TNS3: variants seen among roughly 807,000 people sequenced by gnomAD.
TNS3 encodes tensin 3.
A neutral mutation model predicts 140.9 loss-of-function variants in TNS3; 45 were observed. That is an observed-to-expected ratio of 0.32 (90% CI 0.25 to 0.41). TNS3 has a LOEUF of 0.41. Ranked by LOEUF, TNS3 falls within the 10% of genes least tolerant of loss-of-function variation. The probability of loss-of-function intolerance (pLI) is 1.00; values close to 1 mark genes in which losing one functional copy is unlikely to be tolerated. For missense variants in TNS3, 1,716 were observed against 1,906.7 expected (o/e 0.90, Z 1.86); for synonymous variants, 815 against 788.4 (o/e 1.03, Z -0.56).
intron 16 of TNS3, among the ~76,000 whole-genome samples, chr7:47,390,742 G>A (rs1436857115): frequency 6.6e-6 from 1 of 152,162 alleles, no homozygotes; most frequent in Non-Finnish European, 1.5e-5. Context: ...CTTCCCTGCT[G>A]CTCAACCCTT....
rs747272053 is a variant in TNS3, at chr7:47,428,345, G to A, written c.356C>T (p.Ser119Leu). The change falls in exon 9 of 31, where the codon TCA becomes TTA. Residue 119 changes from serine to leucine, a missense_variant. This residue lies in a region of TNS3 where 337 missense variants were observed against 428.9 expected (regional missense o/e 0.79). Transcript: ENST00000311160. ...GACGTTGGTGAAATGCATGTAGGAT[G>A]ATATGACCACTCCTATGCGTCCTTT... The part of the protein sequence containing the change: ...GGKGRIGVVI[S>L]SYMHFTNVSA... 1.5e-5 allele frequency: 22 copies of A among 1,454,178 alleles called. No individual in the cohort carries two copies. Among genetic ancestry groups the A allele is most frequent in the Non-Finnish European group, 1.9e-5 (21 of 1,099,230 alleles). 90.1% of individuals were successfully genotyped at this position (1,454,178 alleles called of 1,614,324 possible).
Position 47,368,456 on chromosome 7 carries a change from A to G in TNS3, c.2190T>C (p.Ser730=). The change falls in exon 17 of 31, where the codon TCT becomes TCC. Residue 730 remains serine, a synonymous_variant. Coordinates refer to ENST00000311160, the MANE Select transcript of TNS3 (RefSeq NM_022748.12). ...CACCTCCCACGCTGTCTGGAGACAC[A>G]GAGCCATTGGCCTGGCTACCGAGGG... The part of the protein sequence containing the change: ...MNALGSQANG[S]VSPDSVGGGL... 1.3e-6 allele frequency: 2 copies of G among 1,580,394 alleles called. No homozygotes were observed. The highest frequency in any genetic ancestry group is 1.7e-6 in the Non-Finnish European group (2 of 1,157,376).
intron 1 of TNS3, among the ~76,000 whole-genome samples, chr7:47,576,559 A>T (rs1246789688): frequency 6.6e-6 from 1 of 152,154 alleles, no homozygotes; most frequent in African/African-American, 2.4e-5. Flanking sequence ...CCTCTAAGAA[A>T]GGTGATGGAT....
intron 4 of TNS3, among the ~76,000 whole-genome samples, chr7:47,454,620 C>G (rs1048073833): frequency 6.6e-6 from 1 of 151,958 alleles, no homozygotes; most frequent in African/African-American, 2.4e-5. Flanking sequence ...GGGGGGGCAA[C>G]AGCTGGGCAG....
chr7:47,411,705 T>C, intron 13 of TNS3, 22 bp downstream of exon 13: 1 of 1,602,780 alleles, frequency 6.2e-7, no homozygotes, highest in South Asian at 1.1e-5. Context: ...CCAACCCATC[T>C]GCGGCCACAG....
Position 47,452,983 on chromosome 7 carries a change from GA to G in TNS3, c.-75-10929del, listed in dbSNP as rs1229351421. On this transcript the variant is annotated intron_variant, in intron 4 of 30. Coordinates refer to ENST00000311160, the MANE Select transcript of TNS3 (RefSeq NM_022748.12). The stretch of plus-strand genomic sequence containing the variant: ...CGGCCAGGGCTGCTTTTCCCTTCCA[GA>G]AACAGCTCCTCCTACGTTTCGCTCC... The G allele has an allele frequency of 4.1e-6, 4 of 985,404 alleles. No homozygotes were observed. In the Admixed American group the frequency reaches 2.5e-4, roughly 61 times the overall value. 61.0% of individuals were successfully genotyped at this position (985,404 alleles called of 1,614,324 possible). A position where few individuals can be genotyped will look rare whatever the true frequency, so the allele number is the denominator to read the frequency against.
chr7:47,482,180 G>A (rs1024072994), intron 3 of TNS3, among the ~76,000 whole-genome samples: 2 of 152,228 alleles, frequency 1.3e-5, no homozygotes, highest in African/African-American at 2.4e-5. Context: ...CTGAAAATGT[G>A]CAACCGAAGG....
chr7:47,282,220 C>T (rs1328131348), intron 28 of TNS3, among the ~76,000 whole-genome samples: 3 of 148,810 alleles, frequency 2.0e-5, no homozygotes, highest in African/African-American at 7.5e-5. Context: ...TGACACTGAC[C>T]CTGAGTCCAC....
rs369556954 is a variant in TNS3, at chr7:47,545,174, G to A, written c.-264-16027C>T. On this transcript the variant is annotated intron_variant, in intron 1 of 30. Transcript: ENST00000311160. ...TTTTTTTTTTTTGAGACGGAGTCTC[G>A]CTCTGTCGCCTGGAGTGCAGTGTGG... is the stretch of plus-strand genomic sequence containing the variant. Among the ~76,000 whole-genome samples, 17 of 129,088 alleles carry A rather than the reference G, an allele frequency of 1.3e-4. No homozygotes were observed. The East Asian group carries it at 1.3e-3, about 10-fold the overall frequency. The allele number at this position is 129,088 out of a possible 152,430, so 84.7% of individuals were successfully genotyped here. A position where few individuals can be genotyped will look rare whatever the true frequency, so the allele number is the denominator to read the frequency against.
intron 20 of TNS3, among the ~76,000 whole-genome samples, chr7:47,339,956 C>CATATATATATAT (rs35991026): frequency 2.9e-5 from 4 of 136,500 alleles, no homozygotes; most frequent in Admixed American, 7.5e-5. Context: ...TTATAAGTGG[C>CATATATATATAT]ATATATATAT....
rs1799847673 is a variant in TNS3 at position 47,543,554 on chromosome 7, G to A, written c.-264-14407C>T. Among the ~76,000 whole-genome samples the A allele has an allele frequency of 2.0e-5, 3 of 152,260 alleles. No individual in the cohort carries two copies. The South Asian group carries it at 6.2e-4, about 32-fold the overall frequency. Reference sequence around the variant, plus strand: ...GTATTAATGATCAAAGATGCCATTTGTGAAGTGCCTGACCCTCAAGATGGT... The same window carrying A: ...GTATTAATGATCAAAGATGCCATTTATGAAGTGCCTGACCCTCAAGATGGT... On this transcript the variant is annotated intron_variant, in intron 1 of 30. Transcript: ENST00000311160.
chr7:47,424,020 G>A lies in TNS3; in HGVS notation c.473+81C>T, dbSNP rs897867538. ...TATTCATTTAGGTGTCGGGACAGAG[G>A]AGATGCCTCTTCTGTTTTCACATTT... is the stretch of plus-strand genomic sequence containing the variant. On this transcript the variant is annotated intron_variant, in intron 10 of 30. Coordinates refer to ENST00000311160, the MANE Select transcript of TNS3 (RefSeq NM_022748.12). The A allele has an allele frequency of 1.6e-5, 22 of 1,374,514 alleles. No individual in the cohort carries two copies. In the African/African-American group the frequency reaches 3.0e-4, roughly 19 times the overall value. 85.1% of individuals were successfully genotyped at this position (1,374,514 alleles called of 1,614,324 possible). A position where few individuals can be genotyped will look rare whatever the true frequency, so the allele number is the denominator to read the frequency against.
At chr7:47,299,028 C>T (rs540686123) in intron 23 of TNS3, among the ~76,000 whole-genome samples, 1 of 152,352 alleles carries the variant, frequency 6.6e-6, no homozygotes, top group Non-Finnish European at 1.5e-5. Flanking sequence ...GGGGGGCCTC[C>T]TGGGGCAGGG....
intron 1 of TNS3, among the ~76,000 whole-genome samples, chr7:47,541,011 C>T (rs2151964998): frequency 6.6e-6 from 1 of 152,310 alleles, no homozygotes; most frequent in South Asian, 2.1e-4. Context: ...TGGGAGGACA[C>T]TCGGGAGAAA....
At chr7:47,334,940 A>G (rs1390709829) in intron 20 of TNS3, among the ~76,000 whole-genome samples, 1 of 152,198 alleles carries the variant, frequency 6.6e-6, no homozygotes, top group Non-Finnish European at 1.5e-5. Flanking sequence ...ACCTTTTCTC[A>G]TGTCTTTATT....
intron 11 of TNS3, among the ~76,000 whole-genome samples, chr7:47,414,571 C>T: frequency 6.6e-6 from 1 of 152,292 alleles, no homozygotes; most frequent in East Asian, 1.9e-4. Context: ...GAGACAGGGC[C>T]GTGATCCCCA....
chr7:47,503,076 C>G (rs1798286753), intron 3 of TNS3, among the ~76,000 whole-genome samples: 1 of 152,176 alleles, frequency 6.6e-6, no homozygotes, highest in Non-Finnish European at 1.5e-5. Flanking sequence ...AACATTACTC[C>G]TGCGCATGTT....
Position 47,346,337 on chromosome 7 carries a change from G to C in TNS3, c.2301C>G (p.Pro767=). 6.2e-7 allele frequency: 1 copy of C among 1,614,126 alleles called. No individual in the cohort carries two copies. Among genetic ancestry groups the C allele is most frequent in the Non-Finnish European group, 8.5e-7 (1 of 1,180,004 alleles). Reference sequence around the variant, plus strand: ...TCAGCTTCCTGAGTCTCCCGCCCAGGGGCTGTTCAGCAGAGGAGCCTGTTA... The same window carrying C: ...TCAGCTTCCTGAGTCTCCCGCCCAGCGGCTGTTCAGCAGAGGAGCCTGTTA... The part of the protein sequence containing the change: ...TGRQGSSAEQ[P]LGGRLRKLSL... Residue 767 remains proline (P), a synonymous_variant, in exon 18 of 31, where the codon CCC becomes CCG. Transcript: ENST00000311160.
intron 8 of TNS3, 85 bp from the exon 9 acceptor site, chr7:47,428,461 C>A: frequency 2.9e-6 from 3 of 1,029,574 alleles, no homozygotes; most frequent in East Asian, 5.8e-5. Context: ...CACTAGTGGA[C>A]AAAACAATAG....
Sources: gnomAD v4.1 joint callset for allele counts (sites outside exome capture counted in the v4.1 genomes callset) on GRCh38, gnomAD v4.1.1 for gene constraint, gnomAD v4.1.1 regional missense constraint, MANE v1.5 for transcripts, NCBI Gene and HGNC (gene_info 2026-07-23, HGNC 2026-07-21) for gene names.